RBM26: variants seen among roughly 807,000 people sequenced by gnomAD.
The protein encoded by RBM26 is RNA-binding protein 26.
In RBM26, 30 loss-of-function variants were observed where a neutral mutation model predicts 123.6. The ratio of observed to expected loss-of-function variants is 0.24; its 90% CI spans 0.18 to 0.33. The LOEUF (loss-of-function observed/expected upper bound fraction) is 0.33. Among genes scored for constraint, RBM26 ranks in the 10% least tolerant of loss-of-function variants. RBM26 has a pLI of 1.00. For missense variants in RBM26, 947 were observed against 1,203.6 expected, an observed-to-expected ratio of 0.79 and a Z score of 3.15; for synonymous variants, 400 against 404.4, an observed-to-expected ratio of 0.99 and a Z score of 0.13.
chr13:79,400,528 A>C (rs2078974985), intron 1 of RBM26, among the ~76,000 whole-genome samples: 1 of 152,238 alleles, frequency 6.6e-6, no homozygotes, highest in African/African-American at 2.4e-5. Flanking sequence ...ATTAAATTTC[A>C]ACATGAATTC....
chr13:79,379,169 C>T, intron 1 of RBM26, among the ~76,000 whole-genome samples: 1 of 151,720 alleles, frequency 6.6e-6, no homozygotes, highest in Admixed American at 6.6e-5. Flanking sequence ...GAAATGGATC[C>T]AAATGTACTA....
At position 79,366,643 on chromosome 13, in the gene RBM26, T is replaced by C. The variant is rs1485435937; in HGVS notation, c.1125A>G (p.Pro375=). 6.5e-7 allele frequency: 1 copy of C among 1,549,814 alleles called. No homozygotes were observed. Among genetic ancestry groups the C allele is most frequent in the South Asian group, 1.2e-5 (1 of 82,034 alleles). ...AACAGATTTACTTACCTGTAACAGG[T>C]GGGAGACTGGGTGGCAATGGACCTG... ...PPPGPLPPSL[P]PVTGPPPPLP... Residue 375 remains proline, a synonymous_variant, in exon 7 of 22, where the codon CCA becomes CCG. Transcript: ENST00000438737.
intron 21 of RBM26, 149 bp downstream of exon 21, chr13:79,322,200 A>G: frequency 2.2e-6 from 1 of 449,270 alleles, no homozygotes; most frequent in Admixed American, 4.4e-5. Flanking sequence ...CAGAAAATTT[A>G]AAGTTGTTTG....
At chr13:79,315,021 A>C (rs1219715819), downstream of RBM26, 15 of 1,271,862 alleles carry the variant, frequency 1.2e-5, no homozygotes, top group Non-Finnish European at 1.3e-5. Flanking sequence ...TATTAAAAAA[A>C]ACTTTGAAAA....
intron 9 of RBM26, among the ~76,000 whole-genome samples, chr13:79,362,828 A>G (rs1185460391): frequency 6.6e-6 from 1 of 152,226 alleles, no homozygotes; most frequent in Non-Finnish European, 1.5e-5. Flanking sequence ...CTAATTCGGA[A>G]TCCCTTTCAT....
intron 1 of RBM26, among the ~76,000 whole-genome samples, chr13:79,384,997 T>C (rs1434197091): frequency 6.6e-6 from 1 of 152,168 alleles, no homozygotes; most frequent in East Asian, 1.9e-4. Flanking sequence ...TTCAGTAATC[T>C]TGAAAAGAAG....
intron 14 of RBM26, 70 bp from the exon 15 acceptor site, chr13:79,344,864 C>G: frequency 1.3e-6 from 2 of 1,486,302 alleles, no homozygotes; most frequent in Non-Finnish European, 1.8e-6. Flanking sequence ...CTATAAGACT[C>G]AACTTTAAAG....
downstream of RBM26, among the ~76,000 whole-genome samples, chr13:79,317,245 AT>A (rs2067235956): frequency 2.0e-5 from 3 of 151,782 alleles, no homozygotes; most frequent in African/African-American, 7.2e-5. Context: ...GAGGCATCAT[AT>A]AAATTACCAT....
At position 79,373,879 on chromosome 13, in the gene RBM26, GA is replaced by G. The variant is rs563215803; in HGVS notation, c.328-1950del. On this transcript the variant is annotated intron_variant, in intron 3 of 21. Transcript: ENST00000438737. ...ATATAGCTACTAGAAAGCAACCTTG[GA>G]AAATATTCTCAGTGCTACTTTCTCC... is the stretch of plus-strand genomic sequence containing the variant. Among the ~76,000 whole-genome samples the G allele has an allele frequency of 2.8e-3, 423 of 150,450 alleles. 4 individuals are homozygous for G. Among genetic ancestry groups the G allele is most frequent in the African/African-American group, 1.0e-2 (407 of 40,896 alleles).
chr13:79,371,236 G>T (rs959400975), intron 4 of RBM26, 74 bp from the exon 5 acceptor site: 29 of 1,214,226 alleles, frequency 2.4e-5, no homozygotes, highest in Middle Eastern at 2.6e-4. Flanking sequence ...AAATGCAAAA[G>T]TTACATTTAA....
rs9601214 is a variant in RBM26, at chr13:79,320,094, T to C, written c.*527A>G. The C allele has an allele frequency of 4.5e-3, 4,431 of 976,954 alleles. 120 individuals are homozygous for C. In the African/African-American group the frequency reaches 0.068, roughly 15 times the overall value. 60.5% of individuals were successfully genotyped at this position (976,954 alleles called of 1,614,324 possible). A position where few individuals can be genotyped will look rare whatever the true frequency, so the allele number is the denominator to read the frequency against. On this transcript the variant is annotated 3_prime_UTR_variant, in exon 22 of 22. Transcript: ENST00000438737. Reference sequence around the variant, plus strand: ...TACACCATTATCATTAAAACCCATATGGTAAAATACATACACAGTCCAACA... The same window carrying C: ...TACACCATTATCATTAAAACCCATACGGTAAAATACATACACAGTCCAACA...
At chr13:79,353,713 T>C (rs1594235297) in intron 13 of RBM26, among the ~76,000 whole-genome samples, 1 of 152,156 alleles carries the variant, frequency 6.6e-6, no homozygotes, top group African/African-American at 2.4e-5. Flanking sequence ...CATCTTACTC[T>C]TCAGGAATTA....
intron 18 of RBM26, among the ~76,000 whole-genome samples, chr13:79,337,813 G>T (rs1291190626): frequency 6.6e-6 from 1 of 152,040 alleles, no homozygotes; most frequent in African/African-American, 2.4e-5. Flanking sequence ...ACATTATTCT[G>T]TATGATGATA....
At chr13:79,365,844 A>C (rs1173801931) in intron 8 of RBM26, 126 bp from the exon 9 acceptor site, 1 of 959,898 alleles carries the variant, frequency 1.0e-6, no homozygotes, top group Non-Finnish European at 1.5e-6. Flanking sequence ...TATGTATCAA[A>C]AAGAAAATAA....
intron 20 of RBM26, among the ~76,000 whole-genome samples, chr13:79,330,607 C>A (rs571975829): frequency 1.3e-5 from 2 of 152,010 alleles, no homozygotes; most frequent in Non-Finnish European, 2.9e-5. Flanking sequence ...TGGTTCCTTA[C>A]GTTTTTAGTA....
At chr13:79,315,027 G>A, downstream of RBM26, 1 of 1,236,356 alleles carries the variant, frequency 8.1e-7, no homozygotes, top group Non-Finnish European at 1.1e-6. Flanking sequence ...AAAAAACTTT[G>A]AAAATAGCAA....
exon 5 of RBM26, chr13:79,312,264 C>A (rs1290709352): frequency 6.6e-6 from 1 of 152,050 alleles, no homozygotes; most frequent in East Asian, 1.9e-4. Flanking sequence ...TAGAAGAAAT[C>A]TTGTGCCAGA....
In RBM26 at chr13:79,368,364, G is replaced by A. The variant is rs374197943; in HGVS notation, c.895+366C>T. ...TCTTTAATAAAATTCTTACAAAGGT[G>A]ACATTTACATTTCTAGATACATTTC... On this transcript the variant is annotated intron_variant, in intron 6 of 21. Coordinates refer to ENST00000438737, the MANE Select transcript of RBM26 (RefSeq NM_001366735.2). Among the ~76,000 whole-genome samples the A allele has an allele frequency of 8.5e-5, 13 of 152,222 alleles. No homozygotes were observed. In the East Asian group the frequency reaches 1.7e-3, roughly 20 times the overall value.
intron 3 of RBM26, among the ~76,000 whole-genome samples, chr13:79,373,563 T>A (rs1355641421): frequency 1.8e-5 from 2 of 108,626 alleles, no homozygotes; most frequent in African/African-American, 3.7e-5. Flanking sequence ...TTACTATATA[T>A]ATTTATATAA....
Sources: gnomAD v4.1 joint callset for allele counts (sites outside exome capture counted in the v4.1 genomes callset) on GRCh38, gnomAD v4.1.1 for gene constraint, MANE v1.5 for transcripts, NCBI Gene and HGNC (gene_info 2026-07-23, HGNC 2026-07-21) for gene names.